The following SLC44A5 variants were observed in gnomAD, a reference collection of about 807,000 sequenced individuals.
The protein encoded by SLC44A5 is solute carrier family 44 member 5.
In SLC44A5, 57 loss-of-function variants were observed where a neutral mutation model predicts 101.8. That is an observed-to-expected ratio of 0.56 (90% CI 0.45 to 0.70). SLC44A5 has a LOEUF of 0.70. Ranked by LOEUF, SLC44A5 falls within the 30% of genes least tolerant of loss-of-function variation. The pLI is 0.00. For synonymous variants in SLC44A5, 281 were observed against 290.9 expected (o/e 0.97, Z 0.35); for missense variants, 737 against 853.1 (o/e 0.86, Z 1.70).
At chr1:75,246,297 T>C (rs1649102220) in intron 7 of SLC44A5, among the ~76,000 whole-genome samples, 2 of 152,120 alleles carry the variant, frequency 1.3e-5, no homozygotes, top group African/African-American at 2.4e-5. Context: ...GAAAAAAGCA[T>C]AATATGCAAG....
At chr1:75,505,837 C>A (rs1669222990) in intron 2 of SLC44A5, among the ~76,000 whole-genome samples, 4 of 151,966 alleles carry the variant, frequency 2.6e-5, no homozygotes, top group Admixed American at 2.6e-4. Flanking sequence ...TTTTGTTGTG[C>A]AAAATCTATT....
chr1:75,689,837 T>C, the SLC44A5 span, among the ~76,000 whole-genome samples: 1 of 152,236 alleles, frequency 6.6e-6, no homozygotes, highest in Non-Finnish European at 1.5e-5. Context: ...CTTTGGTCCT[T>C]GCTTGTTTAG....
chr1:75,672,268 G>A, the SLC44A5 span, among the ~76,000 whole-genome samples: 2 of 152,170 alleles, frequency 1.3e-5, no homozygotes, highest in Non-Finnish European at 2.9e-5. Context: ...ACATGTCACA[G>A]AGGGAAAAAT....
intron 2 of SLC44A5, among the ~76,000 whole-genome samples, chr1:75,503,429 C>G (rs1278421081): frequency 1.3e-5 from 2 of 152,038 alleles, no homozygotes; most frequent in Non-Finnish European, 2.9e-5. Context: ...AACACTTCCC[C>G]CTTTGCTCTC....
At chr1:75,234,988 G>A (rs2100573814) in intron 11 of SLC44A5, among the ~76,000 whole-genome samples, 1 of 152,130 alleles carries the variant, frequency 6.6e-6, no homozygotes, top group South Asian at 2.1e-4. Flanking sequence ...CATAGCAACA[G>A]ACAGAGTGTA....
At chr1:75,659,294 A>AT in the SLC44A5 span, among the ~76,000 whole-genome samples, 1 of 146,988 alleles carries the variant, frequency 6.8e-6, no homozygotes, top group Admixed American at 6.9e-5. Flanking sequence ...CCAAACAAAG[A>AT]TTTTTTTAAA....
In SLC44A5 at chr1:75,351,868, AAGAG is replaced by A. The variant is rs1553165360; in HGVS notation, c.53-12242_53-12239del. On this transcript the variant is annotated intron_variant, in intron 3 of 23. Coordinates refer to ENST00000370859, the MANE Select transcript of SLC44A5 (RefSeq NM_001130058.2). ...TACCAAAAAAAAAAAAAAAAAAAAA[AAGAG>A]AGAGAGAGAGAAAGGAAAAGAAAAA... 5.5e-4 allele frequency among the ~76,000 whole-genome samples: 32 copies of A among 58,534 alleles called. 1 individual carries two copies. Among genetic ancestry groups the A allele is most frequent in the African/African-American group, 1.6e-3 (27 of 16,812 alleles). 38.4% of individuals were successfully genotyped at this position (58,534 alleles called of 152,430 possible).
chr1:75,264,033 G>C (rs1021548193), intron 6 of SLC44A5, among the ~76,000 whole-genome samples: 1 of 150,198 alleles, frequency 6.7e-6, no homozygotes, highest in African/African-American at 2.5e-5. Flanking sequence ...TAGTGTAGAC[G>C]ACAGGTTGAT....
chr1:75,688,700 G>A, the SLC44A5 span, among the ~76,000 whole-genome samples: 2 of 152,130 alleles, frequency 1.3e-5, no homozygotes, highest in Non-Finnish European at 2.9e-5. Context: ...CACATGCTCA[G>A]CCAGTGATCA....
chr1:75,638,506 G>A, the SLC44A5 span, among the ~76,000 whole-genome samples: 2 of 152,092 alleles, frequency 1.3e-5, no homozygotes, highest in African/African-American at 4.8e-5. Context: ...GGAAAGTGGT[G>A]CAGTCTAGGT....
chr1:75,501,541 T>C (rs1440915988), intron 2 of SLC44A5, among the ~76,000 whole-genome samples: 2 of 152,378 alleles, frequency 1.3e-5, no homozygotes, highest in Admixed American at 1.3e-4. Flanking sequence ...GCAATACTTT[T>C]ATGTTTGCTA....
chr1:75,703,658 T>C, the SLC44A5 span, among the ~76,000 whole-genome samples: 1 of 87,412 alleles, frequency 1.1e-5, no homozygotes, highest in Admixed American at 9.7e-5. Context: ...ACTTAAAGTA[T>C]AATAAAAAAA....
At chr1:75,358,636 T>C (rs746215095) in intron 3 of SLC44A5, among the ~76,000 whole-genome samples, 3 of 152,168 alleles carry the variant, frequency 2.0e-5, no homozygotes, top group Non-Finnish European at 4.4e-5. Flanking sequence ...TATAGTATTA[T>C]TAACTGTAGT....
intron 23 of SLC44A5, 51 bp from the exon 24 acceptor site, chr1:75,203,884 A>G: frequency 6.7e-7 from 1 of 1,496,160 alleles, no homozygotes; most frequent in Non-Finnish European, 8.9e-7. Flanking sequence ...CTGTAAGAGA[A>G]GTAACACCGC....
intron 2 of SLC44A5, among the ~76,000 whole-genome samples, chr1:75,452,484 C>T (rs7526663): frequency 0.018 from 2,678 of 152,184 alleles, 83 homozygotes; most frequent in African/African-American, 0.061. Flanking sequence ...GTAAAGCCCC[C>T]ACACAATAGA....
In SLC44A5 at chr1:75,324,922, T is replaced by C. The variant is rs114082158; in HGVS notation, c.101+14660A>G. Among the ~76,000 whole-genome samples the C allele has an allele frequency of 8.7e-3, 1,332 of 152,282 alleles. 18 individuals carry two copies. Among genetic ancestry groups the C allele is most frequent in the African/African-American group, 0.031 (1,270 of 41,562 alleles). On this transcript the variant is annotated intron_variant, in intron 4 of 23. Coordinates refer to ENST00000370859, the MANE Select transcript of SLC44A5 (RefSeq NM_001130058.2). Reference sequence around the variant, plus strand: ...ATATAGACCCAATGAACAATGAAAGTTAAAGTGCTCTCACTATTTTTTAAT... The same window carrying C: ...ATATAGACCCAATGAACAATGAAAGCTAAAGTGCTCTCACTATTTTTTAAT...
At chr1:75,701,496 G>C in the SLC44A5 span, among the ~76,000 whole-genome samples, 6 of 152,068 alleles carry the variant, frequency 3.9e-5, no homozygotes, top group Non-Finnish European at 7.4e-5. Flanking sequence ...AGGTATTGAT[G>C]GGATGTATCT....
At chr1:75,677,589 A>C in the SLC44A5 span, 3 of 290,118 alleles carry the variant, frequency 1.0e-5, no homozygotes, top group Non-Finnish European at 2.0e-5. Flanking sequence ...GCCACAAAAC[A>C]ACTGGAAAAC....
chr1:75,371,283 C>A (rs112357485), intron 3 of SLC44A5, among the ~76,000 whole-genome samples: 2,029 of 152,280 alleles, frequency 0.013, 44 homozygotes, highest in African/African-American at 0.046. Context: ...TCAATTGTTA[C>A]TGTGTTTATC....
Sources: allele counts gnomAD v4.1 joint callset (sites outside exome capture counted in the v4.1 genomes callset), GRCh38; gene constraint gnomAD v4.1.1; transcripts MANE v1.5; gene names NCBI Gene and HGNC (gene_info 2026-07-23, HGNC 2026-07-21).